The following HDAC9 variants were observed in gnomAD, a reference collection of about 807,000 sequenced individuals.
HDAC9 encodes the protein histone deacetylase 9.
HDAC9 carries 41 observed loss-of-function variants against 139.4 expected under a neutral mutation model. That is an observed-to-expected ratio of 0.29 (90% confidence interval 0.23 to 0.38). HDAC9 has a LOEUF of 0.38. Ranked by LOEUF, HDAC9 falls within the 10% of genes least tolerant of loss-of-function variation. HDAC9 has a pLI of 1.00. For synonymous variants in HDAC9, 517 were observed against 476.2 expected (o/e 1.09, Z -1.12); for missense variants, 1,147 against 1,297.0 (o/e 0.88, Z 1.78).
At chr7:18,763,898 TTGTGAATATAAACACAC>T (rs1341413854) in intron 15 of HDAC9, among the ~76,000 whole-genome samples, 2 of 152,170 alleles carry the variant, frequency 1.3e-5, no homozygotes, top group Non-Finnish European at 2.9e-5. Flanking sequence ...ATTGATCAAA[TTGTGAATATAAACACAC>T]ATTTGATATT....
intron 2 of HDAC9, among the ~76,000 whole-genome samples, chr7:18,559,802 A>G (rs993841072): frequency 1.3e-5 from 2 of 152,214 alleles, no homozygotes; most frequent in Non-Finnish European, 2.9e-5. Flanking sequence ...GGTCTCTGAG[A>G]TACTTTTTAA....
In HDAC9 at chr7:18,766,547, T is replaced by C. The variant is rs149194787; in HGVS notation, c.2165-559T>C. ...TGGATGTTAGAAGTGGCCTATGGTG[T>C]ACTTGGCTTTAGCTCTATCTTAAAG... On this transcript the variant is annotated intron_variant, in intron 15 of 25. Transcript: ENST00000686413. Among the ~76,000 whole-genome samples the C allele has an allele frequency of 2.8e-3, 428 of 152,334 alleles. 2 individuals carry two copies. Among genetic ancestry groups the C allele is most frequent in the African/African-American group, 9.5e-3 (393 of 41,586 alleles).
intron 11 of HDAC9, among the ~76,000 whole-genome samples, chr7:18,650,391 A>G (rs572225691): frequency 1.3e-5 from 2 of 152,282 alleles, no homozygotes; most frequent in South Asian, 2.1e-4. Context: ...ATATTTTACT[A>G]TGGTAAAGTA....
chr7:18,468,089 C>T (rs75206209), intron 1 of HDAC9, among the ~76,000 whole-genome samples: 3 of 152,214 alleles, frequency 2.0e-5, no homozygotes, highest in South Asian at 2.1e-4. Flanking sequence ...TATGACTTAT[C>T]GCTGGTGATG....
intron 23 of HDAC9, chr7:18,949,287 GT>G (rs1382111157): frequency 3.0e-5 from 6 of 202,094 alleles, no homozygotes; most frequent in Non-Finnish European, 4.0e-5. Context: ...TTAGCAGCAA[GT>G]TTTTACTTTT....
chr7:18,649,399 G>T (rs993870808), intron 11 of HDAC9, among the ~76,000 whole-genome samples: 1 of 152,034 alleles, frequency 6.6e-6, no homozygotes, highest in African/African-American at 2.4e-5. Context: ...TTTTGCTGTG[G>T]TAGGCTTAAA....
intron 1 of HDAC9, among the ~76,000 whole-genome samples, chr7:18,397,307 G>A (rs1243962632): frequency 6.6e-6 from 1 of 152,076 alleles, no homozygotes; most frequent in African/African-American, 2.4e-5. Flanking sequence ...AACTTTGTTG[G>A]TAAAAATCCA....
intron 1 of HDAC9, among the ~76,000 whole-genome samples, chr7:18,434,351 C>CTTCA (rs1202051406): frequency 1.3e-5 from 2 of 152,218 alleles, no homozygotes; most frequent in African/African-American, 4.8e-5. Flanking sequence ...CTGGCAAAGA[C>CTTCA]TTCATGACAG....
intron 1 of HDAC9, among the ~76,000 whole-genome samples, chr7:18,094,902 A>G (rs1782404550): frequency 6.6e-6 from 1 of 152,216 alleles, no homozygotes; most frequent in African/African-American, 2.4e-5. Context: ...TGTAAAGAAA[A>G]GTCAAGATGA....
chr7:18,471,152 AC>A (rs762630933), intron 1 of HDAC9, among the ~76,000 whole-genome samples: 17 of 152,098 alleles, frequency 1.1e-4, no homozygotes, highest in Non-Finnish European at 2.1e-4. Flanking sequence ...AAGAACAAGG[AC>A]CTTTTTCCTC....
intron 6 of HDAC9, among the ~76,000 whole-genome samples, chr7:18,623,023 G>A (rs1397240115): frequency 2.0e-5 from 3 of 151,762 alleles, no homozygotes; most frequent in Non-Finnish European, 4.4e-5. Flanking sequence ...ATGTGCCTAT[G>A]GTCCCAGCTA....
intron 1 of HDAC9, among the ~76,000 whole-genome samples, chr7:18,375,140 A>C (rs1027929411): frequency 6.6e-5 from 10 of 152,240 alleles, no homozygotes; most frequent in African/African-American, 2.4e-4. Context: ...TGATAGCTTC[A>C]TGCATGTTAC....
chr7:18,119,979 G>C (rs1301369152), intron 1 of HDAC9, among the ~76,000 whole-genome samples: 1 of 152,184 alleles, frequency 6.6e-6, no homozygotes, highest in Admixed American at 6.5e-5. Context: ...ACCAAAGAAT[G>C]TTTTTGGGGG....
chr7:18,387,724 A>G (rs1249657518), intron 1 of HDAC9, among the ~76,000 whole-genome samples: 1 of 152,232 alleles, frequency 6.6e-6, no homozygotes, highest in Admixed American at 6.5e-5. Flanking sequence ...AAATGATTAA[A>G]TAATAATATC....
intron 1 of HDAC9, among the ~76,000 whole-genome samples, chr7:18,440,124 T>C (rs1027570954): frequency 1.3e-5 from 2 of 152,090 alleles, no homozygotes; most frequent in East Asian, 3.9e-4. Flanking sequence ...AACTGGACAT[T>C]GTTTTGTTTT....
intron 1 of HDAC9, chr7:18,458,738 C>T (rs1278599253): frequency 2.8e-6 from 2 of 720,758 alleles, no homozygotes; most frequent in African/African-American, 3.5e-5. Context: ...GACCTCTACT[C>T]AGAGTAGTAA....
intron 13 of HDAC9, among the ~76,000 whole-genome samples, chr7:18,743,265 GTTAGTTGGAAGGC>G (rs1336062141): frequency 2.0e-5 from 3 of 152,062 alleles, no homozygotes; most frequent in Non-Finnish European, 4.4e-5. Context: ...CTCATATAGT[GTTAGTTGGAAGGC>G]TTATGTTGGG....
chr7:18,133,364 A>T (rs1785152829), intron 1 of HDAC9, among the ~76,000 whole-genome samples: 1 of 152,204 alleles, frequency 6.6e-6, no homozygotes, highest in Non-Finnish European at 1.5e-5. Context: ...CTGAGCATTT[A>T]GTTAAGCAGT....
chr7:18,846,206 A>G (rs1796891955), intron 21 of HDAC9, among the ~76,000 whole-genome samples: 1 of 152,138 alleles, frequency 6.6e-6, no homozygotes, highest in Non-Finnish European at 1.5e-5. Context: ...TCTTTTCTGA[A>G]GCAGTATCAC....
Sources: allele counts gnomAD v4.1 joint callset (sites outside exome capture counted in the v4.1 genomes callset), GRCh38; gene constraint gnomAD v4.1.1; transcripts MANE v1.5; gene names NCBI Gene and HGNC (gene_info 2026-07-23, HGNC 2026-07-21).